NBEA: variants seen among roughly 807,000 people sequenced by gnomAD.
NBEA encodes the protein neurobeachin.
NBEA carries 44 observed loss-of-function variants against 343.4 expected under a neutral mutation model. That is an observed-to-expected ratio of 0.13 (90% CI 0.10 to 0.16). The LOEUF is 0.16. Among genes scored for constraint, NBEA ranks in the 10% least tolerant of loss-of-function variants. The pLI is 1.00. For missense variants in NBEA, 2,555 were observed against 3,631.3 expected (o/e 0.70, Z 7.62); for synonymous variants, 1,175 against 1,238.7 (o/e 0.95, Z 1.08).
intron 51 of NBEA, among the ~76,000 whole-genome samples, chr13:35,648,521 T>C (rs556298296): frequency 1.8e-4 from 27 of 152,312 alleles, no homozygotes; most frequent in Non-Finnish European, 2.9e-4. Context: ...CCTGGAGATA[T>C]GCCCAGTCAG....
At chr13:34,963,713 C>G (rs2059732285) in intron 1 of NBEA, among the ~76,000 whole-genome samples, 1 of 151,664 alleles carries the variant, frequency 6.6e-6, no homozygotes, top group South Asian at 2.1e-4. Flanking sequence ...CTTCCCCCCC[C>G]CGATATATTT....
chr13:35,171,263 T>G lies in NBEA; in HGVS notation c.4243-9T>G. On this transcript the variant is annotated splice_polypyrimidine_tract_variant and intron_variant, in intron 25 of 58. Transcript: ENST00000379939. ...TTAAACAAGACTTAAATCTTCTACT[T>G]TTTTAAAGACGGAATTGGAAAATAT... The G allele has an allele frequency of 6.2e-7, 1 of 1,606,420 alleles. No individual in the cohort carries two copies. Among genetic ancestry groups the G allele is most frequent in the Non-Finnish European group, 8.5e-7 (1 of 1,175,574 alleles).
chr13:35,637,383 A>G (rs955417772), intron 49 of NBEA, among the ~76,000 whole-genome samples: 2 of 152,174 alleles, frequency 1.3e-5, no homozygotes, highest in African/African-American at 2.4e-5. Context: ...GCTAGGAAAA[A>G]CAATATGGCA....
intron 8 of NBEA, among the ~76,000 whole-genome samples, chr13:35,062,779 A>T (rs2063512621): frequency 6.6e-6 from 1 of 151,936 alleles, no homozygotes; most frequent in South Asian, 2.1e-4. Flanking sequence ...AAGAAAATTA[A>T]ATAAATTTGT....
At position 35,637,541 on chromosome 13, in the gene NBEA, A is replaced by G. The variant is rs111997608; in HGVS notation, c.7618-8328A>G. Among the ~76,000 whole-genome samples the G allele has an allele frequency of 7.9e-4, 120 of 152,234 alleles. 1 individual carries two copies. The highest frequency in any genetic ancestry group is 2.7e-3 in the African/African-American group (114 of 41,546). ...CACTTTTCACAATAGTCAAAAGTCG[A>G]GGCCAGGCGCAGTGGCTCACACCTG... On this transcript the variant is annotated intron_variant, in intron 49 of 58. Transcript: ENST00000379939.
intron 34 of NBEA, among the ~76,000 whole-genome samples, chr13:35,279,962 A>G (rs1227381335): frequency 6.6e-6 from 1 of 152,190 alleles, no homozygotes; most frequent in African/African-American, 2.4e-5. Flanking sequence ...TGGGTGTGTC[A>G]GGTTGATTTT....
chr13:35,339,205 A>C (rs1027376427), intron 36 of NBEA, among the ~76,000 whole-genome samples: 1 of 152,076 alleles, frequency 6.6e-6, no homozygotes, highest in Non-Finnish European at 1.5e-5. Flanking sequence ...ACGAAGAAAC[A>C]AAACTCTCTA....
At chr13:35,124,715 GAT>G (rs1204205978) in intron 17 of NBEA, among the ~76,000 whole-genome samples, 88 of 148,898 alleles carry the variant, frequency 5.9e-4, no homozygotes, top group African/African-American at 1.8e-3. Flanking sequence ...TATATGTATG[GAT>G]ATATATACAC....
intron 47 of NBEA, among the ~76,000 whole-genome samples, chr13:35,595,852 A>T (rs543232029): frequency 6.6e-6 from 1 of 152,194 alleles, no homozygotes; most frequent in Non-Finnish European, 1.5e-5. Flanking sequence ...CTAGTCTGGC[A>T]AGTGAAAAAT....
At chr13:35,030,319 T>C (rs531187367) in intron 1 of NBEA, among the ~76,000 whole-genome samples, 7 of 151,694 alleles carry the variant, frequency 4.6e-5, no homozygotes, top group Admixed American at 3.3e-4. Context: ...TTTCATTTCT[T>C]ACCCATAAAA....
At chr13:35,083,574 C>T (rs1394861911) in intron 10 of NBEA, among the ~76,000 whole-genome samples, 1 of 151,958 alleles carries the variant, frequency 6.6e-6, no homozygotes, top group African/African-American at 2.4e-5. Flanking sequence ...ATTTTGTCAC[C>T]ACCAGGCCTG....
chr13:34,980,484 A>ATTT (rs2060321436), intron 1 of NBEA, among the ~76,000 whole-genome samples: 1 of 140,284 alleles, frequency 7.1e-6, no homozygotes, highest in South Asian at 2.3e-4. Context: ...TTATTTATTT[A>ATTT]AATGCTATTT....
intron 34 of NBEA, among the ~76,000 whole-genome samples, chr13:35,258,805 C>G (rs2032921499): frequency 6.6e-6 from 1 of 151,988 alleles, no homozygotes; most frequent in Admixed American, 6.6e-5. Flanking sequence ...AATGATGGTG[C>G]AAAAACGGTA....
intron 49 of NBEA, among the ~76,000 whole-genome samples, chr13:35,630,525 T>C (rs2083403648): frequency 6.6e-6 from 1 of 152,196 alleles, no homozygotes; most frequent in African/African-American, 2.4e-5. Flanking sequence ...TCTCTGCTAC[T>C]AGGGTGCCTC....
intron 48 of NBEA, among the ~76,000 whole-genome samples, chr13:35,625,606 T>C (rs1308473049): frequency 6.6e-6 from 1 of 151,932 alleles, no homozygotes. Flanking sequence ...CCCTGGGCCA[T>C]AGAGTGAGAT....
chr13:34,981,954 T>C (rs2060369862), intron 1 of NBEA, among the ~76,000 whole-genome samples: 1 of 129,594 alleles, frequency 7.7e-6, no homozygotes, highest in African/African-American at 2.8e-5. Flanking sequence ...TGTTCTCTCT[T>C]CTCTCTCTCT....
At chr13:35,616,826 A>G (rs557430302) in intron 48 of NBEA, among the ~76,000 whole-genome samples, 1 of 152,364 alleles carries the variant, frequency 6.6e-6, no homozygotes, top group East Asian at 1.9e-4. Flanking sequence ...CTGTTTATAT[A>G]TACTTCTTAC....
rs36117821 is a variant in NBEA, at chr13:35,139,744, G to GTTTTTTTTTTTT, written c.2337-2508_2337-2497dup. On this transcript the variant is annotated intron_variant, in intron 17 of 58. Transcript: ENST00000379939. The stretch of plus-strand genomic sequence containing the variant: ...TTTCCTGCCTAAGATGATGGATGGC[G>GTTTTTTTTTTTT]TTTTTTTTTTTTTTTTTTTTTTTTT... Among the ~76,000 whole-genome samples, 31 of 61,110 alleles carry GTTTTTTTTTTTT rather than the reference G, an allele frequency of 5.1e-4. 5 individuals carry two copies. The highest frequency in any genetic ancestry group is 6.1e-4 in the East Asian group (1 of 1,650). The allele number at this position is 61,110 out of a possible 152,430, so 40.1% of individuals were successfully genotyped here.
At chr13:35,490,433 T>C (rs1039068545) in intron 41 of NBEA, among the ~76,000 whole-genome samples, 2 of 151,880 alleles carry the variant, frequency 1.3e-5, no homozygotes, top group African/African-American at 4.8e-5. Context: ...ACTAGACTGA[T>C]TATCAACCAA....
Sources: gnomAD v4.1 joint callset for allele counts (sites outside exome capture counted in the v4.1 genomes callset) on GRCh38, gnomAD v4.1.1 for gene constraint, MANE v1.5 for transcripts, NCBI Gene and HGNC (gene_info 2026-07-23, HGNC 2026-07-21) for gene names.